Variants in NOVA1 observed in about 807,000 individuals in gnomAD.
The protein encoded by NOVA1 is RNA-binding protein Nova-1.
Under a neutral mutation model 38.0 loss-of-function variants are expected in NOVA1, and 7 were observed. That is an observed-to-expected ratio of 0.18 (90% CI 0.10 to 0.35). NOVA1 has a LOEUF of 0.35. NOVA1 is among the 10% of genes least tolerant of loss of function. The pLI is 1.00. For synonymous variants in NOVA1, 270 were observed against 232.5 expected, an observed-to-expected ratio of 1.16 and a Z score of -1.47; for missense variants, 460 against 616.0, an observed-to-expected ratio of 0.75 and a Z score of 2.68.
intron 2 of NOVA1, among the ~76,000 whole-genome samples, chr14:26,518,239 C>A (rs1888621566): frequency 6.6e-6 from 1 of 151,986 alleles, no homozygotes; most frequent in Non-Finnish European, 1.5e-5. Flanking sequence ...TTCATTTTCA[C>A]AAACACTGTG....
chr14:26,547,457 C>G (rs1890860503), intron 2 of NOVA1, among the ~76,000 whole-genome samples: 1 of 152,018 alleles, frequency 6.6e-6, no homozygotes, highest in Non-Finnish European at 1.5e-5. Context: ...TTTTTCAAAT[C>G]CCATACACTA....
Position 26,595,281 on chromosome 14 carries a change from C to T in NOVA1, c.280+129G>A, listed in dbSNP as rs1894117544. The stretch of plus-strand genomic sequence containing the variant: ...TCTGAAAATTTTTCCACAATATATT[C>T]CTATAAAGCAATATCTAAATAAAGT... On this transcript the variant is annotated intron_variant, in intron 2 of 4. Transcript: ENST00000539517. 4 of 850,914 alleles carry T rather than the reference C, an allele frequency of 4.7e-6. No individual in the cohort carries two copies. The South Asian group carries it at 8.9e-5, about 19-fold the overall frequency. 52.7% of individuals were successfully genotyped at this position (850,914 alleles called of 1,614,324 possible).
chr14:26,448,538 G>A lies in NOVA1; in HGVS notation c.945C>T (p.Ile315=), dbSNP rs772096524. 1 of 1,614,180 alleles carries A rather than the reference G, an allele frequency of 6.2e-7. No individual in the cohort carries two copies. Among genetic ancestry groups the A allele is most frequent in the Admixed American group, 1.7e-5 (1 of 60,022 alleles). The change falls in exon 5 of 5, where the codon ATC becomes ATT. Residue 315 remains isoleucine (I), a synonymous_variant. Coordinates refer to ENST00000539517, the MANE Select transcript of NOVA1 (RefSeq NM_002515.3). The surrounding 1 kb of genome is among the most constrained non-coding windows in gnomAD (Gnocchi z 5.3). ...SGFTGNDLVA[I]TSALNTLASY... ...TGGCTAATGTATTAAGTGCAGAGGT[G>A]ATGGCCACCAGGTCATTGCCTGTGA...
At chr14:26,548,772 G>A (rs899966186) in intron 2 of NOVA1, among the ~76,000 whole-genome samples, 2 of 150,490 alleles carry the variant, frequency 1.3e-5, no homozygotes, top group African/African-American at 4.8e-5. Flanking sequence ...AATATTTACT[G>A]TTCCTTCTCT....
At chr14:26,507,947 C>A (rs1887766540) in intron 2 of NOVA1, among the ~76,000 whole-genome samples, 1 of 151,680 alleles carries the variant, frequency 6.6e-6, no homozygotes. Flanking sequence ...AAATTCTGTC[C>A]TAAACAAGAC....
At chr14:26,471,263 G>T (rs1399233844) in intron 4 of NOVA1, among the ~76,000 whole-genome samples, 1 of 151,820 alleles carries the variant, frequency 6.6e-6, no homozygotes, top group Non-Finnish European at 1.5e-5. Context: ...GGTTGCAAAA[G>T]TATTAGGATA....
intron 2 of NOVA1, among the ~76,000 whole-genome samples, chr14:26,540,367 T>C (rs1271525375): frequency 2.6e-5 from 4 of 152,152 alleles, no homozygotes; most frequent in Non-Finnish European, 2.9e-5. Flanking sequence ...GGTGGAGCAG[T>C]TTCATCCTGA....
At chr14:26,509,374 A>G (rs1382077611) in intron 2 of NOVA1, among the ~76,000 whole-genome samples, 1 of 152,162 alleles carries the variant, frequency 6.6e-6, no homozygotes, top group Non-Finnish European at 1.5e-5. Context: ...AAATGAGAGT[A>G]GTGGTAGTGG....
At chr14:26,506,380 C>T (rs536184731) in intron 2 of NOVA1, among the ~76,000 whole-genome samples, 47 of 152,290 alleles carry the variant, frequency 3.1e-4, no homozygotes, top group African/African-American at 1.1e-3. Context: ...TAGTAAGACA[C>T]TAAGACAAAC....
chr14:26,513,886 C>CAAA (rs1888273939), intron 2 of NOVA1, among the ~76,000 whole-genome samples: 1 of 151,498 alleles, frequency 6.6e-6, no homozygotes, highest in African/African-American at 2.4e-5. Context: ...TAAAAATACA[C>CAAA]AATAGGTAGC....
intron 2 of NOVA1, among the ~76,000 whole-genome samples, chr14:26,518,182 GA>G (rs1888615272): frequency 6.6e-6 from 1 of 151,936 alleles, no homozygotes; most frequent in South Asian, 2.1e-4. Flanking sequence ...TCAAGATGAA[GA>G]AAGTATTTTA....
At chr14:26,485,323 G>A (rs1420274943) in intron 2 of NOVA1, among the ~76,000 whole-genome samples, 1 of 151,570 alleles carries the variant, frequency 6.6e-6, no homozygotes, top group Non-Finnish European at 1.5e-5. Flanking sequence ...TAAATCTCTC[G>A]GTTTATAAGA....
At chr14:26,586,185 C>A (rs1245125084) in intron 2 of NOVA1, among the ~76,000 whole-genome samples, 3 of 151,246 alleles carry the variant, frequency 2.0e-5, no homozygotes, top group African/African-American at 7.3e-5. Flanking sequence ...TTTAATTTAA[C>A]ACTGTAGAAG....
chr14:26,486,328 T>C (rs1278168777), intron 2 of NOVA1, among the ~76,000 whole-genome samples: 1 of 152,098 alleles, frequency 6.6e-6, no homozygotes, highest in Non-Finnish European at 1.5e-5. Flanking sequence ...TATAACAGGC[T>C]CTTCTCTTAT....
intron 2 of NOVA1, among the ~76,000 whole-genome samples, chr14:26,498,010 A>G (rs1886944874): frequency 6.6e-6 from 1 of 152,214 alleles, no homozygotes; most frequent in Non-Finnish European, 1.5e-5. Context: ...TTTTTAATGT[A>G]GAAATTCTGA....
At chr14:26,579,490 C>T (rs1000089115) in intron 2 of NOVA1, among the ~76,000 whole-genome samples, 1 of 152,124 alleles carries the variant, frequency 6.6e-6, no homozygotes. Context: ...TATTGTCCTC[C>T]AGGTCACAGT....
chr14:26,567,972 C>A (rs1420148206), intron 2 of NOVA1, among the ~76,000 whole-genome samples: 1 of 152,000 alleles, frequency 6.6e-6, no homozygotes, highest in Non-Finnish European at 1.5e-5. Context: ...CTGTGTGATA[C>A]CTCCCAACCA....
intron 2 of NOVA1, among the ~76,000 whole-genome samples, chr14:26,503,711 G>T: frequency 6.6e-6 from 1 of 152,014 alleles, no homozygotes; most frequent in East Asian, 1.9e-4. Context: ...TTTTCTAATA[G>T]CAAAAAATAT....
At chr14:26,492,696 G>A (rs912752560) in intron 2 of NOVA1, among the ~76,000 whole-genome samples, 5 of 152,088 alleles carry the variant, frequency 3.3e-5, no homozygotes, top group African/African-American at 7.2e-5. Context: ...GGCTGGGCAC[G>A]GTGGTTCACG....
Sources: gnomAD v4.1 joint callset for allele counts (sites outside exome capture counted in the v4.1 genomes callset) on GRCh38, gnomAD v4.1.1 for gene constraint, Gnocchi (gnomAD v3.1) non-coding constraint, MANE v1.5 for transcripts, NCBI Gene and HGNC (gene_info 2026-07-23, HGNC 2026-07-21) for gene names.